COL9A1: variants seen among roughly 807,000 people sequenced by gnomAD.
COL9A1 encodes the protein collagen alpha-1(IX) chain.
In COL9A1, 104 loss-of-function variants were observed where a neutral mutation model predicts 142.6. That is an observed-to-expected ratio of 0.73 (90% CI 0.62 to 0.86). The LOEUF (loss-of-function observed/expected upper bound fraction) is 0.86. COL9A1 is among the 40% of genes least tolerant of loss of function. The probability of loss-of-function intolerance (pLI) is 0.00; values close to 1 mark genes in which losing one functional copy is unlikely to be tolerated. For synonymous variants in COL9A1, 466 were observed against 396.0 expected (o/e 1.18, Z -2.10); for missense variants, 1,210 against 1,176.6 (o/e 1.03, Z -0.42).
At chr6:70,251,914 A>G (rs1770969459) in intron 28 of COL9A1, among the ~76,000 whole-genome samples, 1 of 152,212 alleles carries the variant, frequency 6.6e-6, no homozygotes, top group Non-Finnish European at 1.5e-5. Flanking sequence ...AAGGGTCACC[A>G]TGGTTTTTGA....
intron 5 of COL9A1, among the ~76,000 whole-genome samples, chr6:70,293,655 A>G (rs898502262): frequency 6.6e-6 from 1 of 151,398 alleles, no homozygotes; most frequent in Admixed American, 6.6e-5. Flanking sequence ...ACACACACAC[A>G]CACACACACA....
At chr6:70,236,206 A>C (rs1350431354) in intron 33 of COL9A1, among the ~76,000 whole-genome samples, 1 of 151,790 alleles carries the variant, frequency 6.6e-6, no homozygotes, top group African/African-American at 2.4e-5. Flanking sequence ...AATATTGAAG[A>C]AGTTAAAAGT....
chr6:70,286,108 C>T (rs766501416), intron 5 of COL9A1, among the ~76,000 whole-genome samples: 42 of 152,198 alleles, frequency 2.8e-4, no homozygotes, highest in African/African-American at 9.9e-4. Flanking sequence ...AGGATGGTCT[C>T]GATCTCTTGA....
At chr6:70,239,379 C>A in intron 32 of COL9A1, 93 bp from the exon 33 acceptor site, 1 of 889,466 alleles carries the variant, frequency 1.1e-6, no homozygotes, top group Non-Finnish European at 1.9e-6. Context: ...TACTAAAATA[C>A]GGAAAACCAT....
chr6:70,285,019 A>C (rs556545179), intron 5 of COL9A1, among the ~76,000 whole-genome samples: 6 of 152,366 alleles, frequency 3.9e-5, no homozygotes, highest in Admixed American at 3.9e-4. Flanking sequence ...CCACAGAGGA[A>C]GGGAAAGTTT....
intron 18 of COL9A1, 131 bp from the exon 19 acceptor site, chr6:70,263,428 A>G: frequency 1.5e-6 from 1 of 675,762 alleles, no homozygotes; most frequent in Non-Finnish European, 2.5e-6. Context: ...ACTTTCTTAA[A>G]TTATTTATAT....
chr6:70,242,188 T>G (rs1469801890), intron 29 of COL9A1, 153 bp from the exon 30 acceptor site: 42 of 717,530 alleles, frequency 5.9e-5, no homozygotes, highest in Admixed American at 4.7e-4. Context: ...CTCTTTCATA[T>G]TCTCAGGAGA....
rs117734911 is a variant in COL9A1 at position 70,302,779 on chromosome 6, C to T, written c.14+132G>A. 33,126 of 1,015,414 alleles carry T rather than the reference C, an allele frequency of 0.033. 764 individuals are homozygous for T. Among genetic ancestry groups the T allele is most frequent in the Non-Finnish European group, 0.044 (27,986 of 636,488 alleles). The allele number at this position is 1,015,414 out of a possible 1,614,324, so 62.9% of individuals were successfully genotyped here. A position where few individuals can be genotyped will look rare whatever the true frequency, so the allele number is the denominator to read the frequency against. ...TGCCCTCTTGTCTTACTCTCTCATC[C>T]GTCTCTCTTTCTGTCTCTCACCTTG... On this transcript the variant is annotated intron_variant, in intron 1 of 37. Transcript: ENST00000357250.
At chr6:70,217,137 T>C in intron 37 of COL9A1, 56 bp from the exon 38 acceptor site, 2 of 1,583,456 alleles carry the variant, frequency 1.3e-6, no homozygotes, top group Non-Finnish European at 8.7e-7. Flanking sequence ...TGATGCAAAC[T>C]GGCAGAGGGC....
rs370569186 is a variant in COL9A1 at position 70,281,468 on chromosome 6, G to T, written c.802-4C>A. On this transcript the variant is annotated splice_polypyrimidine_tract_variant and splice_region_variant and intron_variant, in intron 7 of 37. Transcript: ENST00000357250. ...CCTGCTCACCCGGGGGACCTCTCTG[G>T]CAAAAATAGCAGACATAGGTTAGTG... 5.6e-6 allele frequency: 9 copies of T among 1,609,640 alleles called. No individual in the cohort carries two copies. In the African/African-American group the frequency reaches 1.2e-4, roughly 22 times the overall value.
In COL9A1 at chr6:70,300,175, C is replaced by T. The variant is rs2127608373; in HGVS notation, c.167G>A (p.Gly56Glu). 6.2e-7 allele frequency: 1 copy of T among 1,613,648 alleles called. No homozygotes were observed. The highest frequency in any genetic ancestry group is 1.1e-5 in the South Asian group (1 of 91,040). The change falls in exon 4 of 38, where the codon GGG becomes GAG. Residue 56 changes from glycine (G) to glutamate (E), a missense_variant and splice_region_variant. Gly to Glu is a moderately conservative substitution (Grantham distance 98). Coordinates refer to ENST00000357250, the MANE Select transcript of COL9A1 (RefSeq NM_001851.6). ...CTGGAACTGAGAGATCAGATCAAAC[C>T]CTATAGAATGGGAATACAAAATGAA... is the stretch of plus-strand genomic sequence containing the variant. ...KIRIGQDDLP[G>E]FDLISQFQVD...
intron 28 of COL9A1, among the ~76,000 whole-genome samples, chr6:70,249,187 T>TTTTTTTTTTTTTTTTTTTTTTTTTTGAG (rs1554237008): frequency 6.6e-6 from 1 of 151,526 alleles, no homozygotes; most frequent in Non-Finnish European, 1.5e-5. Context: ...TGAAGATTTT[T>TTTTTTTTTTTTTTTTTTTTTTTTTTGAG]AAATGGGGAG....
At chr6:70,284,486 G>T (rs75867757) in intron 5 of COL9A1, among the ~76,000 whole-genome samples, 6,177 of 152,234 alleles carry the variant, frequency 0.041, 209 homozygotes, top group Non-Finnish European at 0.066. Context: ...CTTATTCATT[G>T]GTTGAAAAGA....
chr6:70,247,345 C>CA (rs760858011), intron 28 of COL9A1, among the ~76,000 whole-genome samples: 61 of 152,124 alleles, frequency 4.0e-4, no homozygotes, highest in South Asian at 8.3e-4. Flanking sequence ...TAAAAGATCA[C>CA]AAAAAATAAC....
chr6:70,256,780 A>G lies in COL9A1; in HGVS notation c.1491T>C (p.Leu497=), dbSNP rs1443111926. The G allele has an allele frequency of 1.9e-5, 30 of 1,613,762 alleles. No homozygotes were observed. The highest frequency in any genetic ancestry group is 2.4e-5 in the Non-Finnish European group (28 of 1,179,970). Residue 497 remains leucine (L), a synonymous_variant, in exon 21 of 38, where the codon CTT becomes CTC. Coordinates refer to ENST00000357250, the MANE Select transcript of COL9A1 (RefSeq NM_001851.6). The stretch of plus-strand genomic sequence containing the variant: ...GAAAATCACTTACAGGTGCACCAGG[A>G]AGACCCTGAGGCCCAGGTTCACCAT... The part of the protein sequence containing the change: ...GLDGEPGPQG[L]PGAPGDQGQR...
At position 70,260,647 on chromosome 6, in the gene COL9A1, A is replaced by G. The variant is rs1771617194; in HGVS notation, c.1449+10T>C. On this transcript the variant is annotated intron_variant, in intron 20 of 37. Transcript: ENST00000357250. ...ATTTTGGTATTATATTATTGTCATC[A>G]CCATCTTACTTTTTCCCCTTTGTCC... 2 of 1,612,856 alleles carry G rather than the reference A, an allele frequency of 1.2e-6. No homozygotes were observed. Among genetic ancestry groups the G allele is most frequent in the South Asian group, 2.2e-5 (2 of 91,014 alleles).
Position 70,216,909 on chromosome 6 carries a change from C to A in COL9A1, c.2754G>T (p.Gly918=). 1 of 1,614,032 alleles carries A rather than the reference C, an allele frequency of 6.2e-7. No homozygotes were observed. Among genetic ancestry groups the A allele is most frequent in the African/African-American group, 1.3e-5 (1 of 75,024 alleles). Residue 918 remains glycine, a synonymous_variant, in exon 38 of 38, where the codon GGG becomes GGT. Coordinates refer to ENST00000357250, the MANE Select transcript of COL9A1 (RefSeq NM_001851.6). ...AGCAGTAAGCCTTTCAAGGGTCAGG[C>A]CCTTTGTTAAATGCTCGCTGACCAG... ...MQAGQRAFNK[G]PDP is the part of the protein sequence containing the mutation.
At chr6:70,218,264 T>C (rs476863) in intron 37 of COL9A1, among the ~76,000 whole-genome samples, 1 of 152,048 alleles carries the variant, frequency 6.6e-6, no homozygotes, top group African/African-American at 2.4e-5. Flanking sequence ...GCCCTACAAA[T>C]TTTCATATTT....
At chr6:70,248,630 T>C (rs1379249431) in intron 28 of COL9A1, among the ~76,000 whole-genome samples, 1 of 152,240 alleles carries the variant, frequency 6.6e-6, no homozygotes, top group African/African-American at 2.4e-5. Flanking sequence ...ATAACATTTA[T>C]AACCTATCAT....
Sources: gnomAD v4.1 joint callset for allele counts (sites outside exome capture counted in the v4.1 genomes callset) on GRCh38, gnomAD v4.1.1 for gene constraint, MANE v1.5 for transcripts, NCBI Gene and HGNC (gene_info 2026-07-23, HGNC 2026-07-21) for gene names.